PCDHGB4: variants seen among roughly 807,000 people sequenced by gnomAD.
The protein encoded by PCDHGB4 is protocadherin gamma-B4.
PCDHGB4 carries 38 observed loss-of-function variants against 60.5 expected under a neutral mutation model. The ratio of observed to expected loss-of-function variants is 0.63; its 90% confidence interval spans 0.48 to 0.82. The LOEUF (loss-of-function observed/expected upper bound fraction) is 0.82, where lower values mean the gene tolerates loss of function less well. Ranked by LOEUF, PCDHGB4 falls within the 40% of genes least tolerant of loss-of-function variation. The pLI is 0.00. For synonymous variants in PCDHGB4, 456 were observed against 509.7 expected (o/e 0.89, Z 1.42); for missense variants, 1,109 against 1,209.6 (o/e 0.92, Z 1.23).
intron 1 of PCDHGB4, among the ~76,000 whole-genome samples, chr5:141,439,530 C>T (rs1003383726): frequency 6.6e-6 from 1 of 152,180 alleles, no homozygotes; most frequent in Non-Finnish European, 1.5e-5. Flanking sequence ...CTCTACAGAA[C>T]GCTGTCCTCT....
chr5:141,448,784 C>CA (rs576464275), intron 1 of PCDHGB4, among the ~76,000 whole-genome samples: 7,532 of 145,718 alleles, frequency 0.052, 302 homozygotes, highest in African/African-American at 0.11. Flanking sequence ...ACTAAAAATA[C>CA]AAAAAAAAAA....
chr5:141,405,351 C>G, intron 1 of PCDHGB4: 1 of 1,614,080 alleles, frequency 6.2e-7, no homozygotes, highest in Non-Finnish European at 8.5e-7. Flanking sequence ...TCCAAGTTTC[C>G]TATAGAAGAC....
intron 1 of PCDHGB4, among the ~76,000 whole-genome samples, chr5:141,435,652 G>A (rs978809372): frequency 3.9e-5 from 6 of 152,226 alleles, no homozygotes; most frequent in East Asian, 1.9e-4. Flanking sequence ...TTTCTGAAAC[G>A]TGCACAGATT....
rs933089146 is a variant in PCDHGB4, at chr5:141,490,786, A to G, written c.2398-4021A>G. ...GTATGTCAACCCAGAGGATGGACGGATCTTTGCCCAGCGTACCTTTGACTA... is the reference window on the plus strand; with the variant it reads ...GTATGTCAACCCAGAGGATGGACGGGTCTTTGCCCAGCGTACCTTTGACTA... On this transcript the variant is annotated intron_variant, in intron 1 of 3. Coordinates refer to ENST00000519479, the MANE Select transcript of PCDHGB4 (RefSeq NM_003736.4). This position sits in a 1 kb window ranked among gnomAD's most constrained non-coding sequence, Gnocchi z 5.4. The G allele has an allele frequency of 1.9e-6, 3 of 1,614,056 alleles. No individual in the cohort carries two copies. The highest frequency in any genetic ancestry group is 1.7e-5 in the Admixed American group (1 of 60,016).
intron 1 of PCDHGB4, chr5:141,415,040 CG>C (rs878992043): frequency 6.2e-7 from 1 of 1,613,520 alleles, no homozygotes; most frequent in East Asian, 2.2e-5. Flanking sequence ...GGACTCTTCG[CG>C]GTGGGGGAGC....
At position 141,431,636 on chromosome 5, in the gene PCDHGB4, A is replaced by C; in HGVS notation, c.2397+41355A>C. 1 of 1,614,254 alleles carries C rather than the reference A, an allele frequency of 6.2e-7. No individual in the cohort carries two copies. On this transcript the variant is annotated intron_variant, in intron 1 of 3. Transcript: ENST00000519479. This position sits in a 1 kb window ranked among gnomAD's most constrained non-coding sequence, Gnocchi z 4.8. ...GGACGACAAGGCGGCCCAAGTTTTC[A>C]AACTAGATTGTAATTCAGGGACAAT... is the stretch of plus-strand genomic sequence containing the variant.
At chr5:141,474,143 T>C (rs933805562) in intron 1 of PCDHGB4, among the ~76,000 whole-genome samples, 5 of 152,188 alleles carry the variant, frequency 3.3e-5, no homozygotes, top group Non-Finnish European at 5.9e-5. Flanking sequence ...CAGGCCTTAT[T>C]ATCAAGAAAA....
intron 1 of PCDHGB4, among the ~76,000 whole-genome samples, chr5:141,455,959 G>T (rs112864392): frequency 0.11 from 16,680 of 150,504 alleles, 1,459 homozygotes; most frequent in African/African-American, 0.24. Context: ...GTGCAGTGGC[G>T]CGATCTCAGC....
intron 1 of PCDHGB4, chr5:141,394,617 G>T (rs369651266): frequency 8.1e-6 from 13 of 1,613,372 alleles, no homozygotes; most frequent in Non-Finnish European, 1.1e-5. Flanking sequence ...GGGCCAGAAC[G>T]CCTGGCTGTC....
Position 141,417,818 on chromosome 5 carries a change from C to T in PCDHGB4, c.2397+27537C>T, listed in dbSNP as rs59981184. 5.7e-4 allele frequency: 859 copies of T among 1,512,530 alleles called. 1 individual carries two copies. The African/African-American group carries it at 0.011, about 19-fold the overall frequency. 93.7% of individuals were successfully genotyped at this position (1,512,530 alleles called of 1,614,324 possible). On this transcript the variant is annotated intron_variant, in intron 1 of 3. Coordinates refer to ENST00000519479, the MANE Select transcript of PCDHGB4 (RefSeq NM_003736.4). ...TTTAGCGCGGTAGAGTGCACTTTCTCCAACTGGAAAAGCGGGGACCCAGCG... is the reference window on the plus strand; with the variant it reads ...TTTAGCGCGGTAGAGTGCACTTTCTTCAACTGGAAAAGCGGGGACCCAGCG...
intron 1 of PCDHGB4, chr5:141,421,999 TC>T: frequency 9.9e-6 from 16 of 1,609,214 alleles, no homozygotes; most frequent in Non-Finnish European, 1.4e-5. Context: ...AAACATCAGC[TC>T]CGGAACTCGG....
chr5:141,393,043 T>C (rs770560068), intron 1 of PCDHGB4: 1 of 1,613,732 alleles, frequency 6.2e-7, no homozygotes, highest in South Asian at 1.1e-5. Context: ...CTCTTTGCTC[T>C]GAACCCGCGC....
intron 1 of PCDHGB4, chr5:141,414,589 G>T: frequency 1.2e-6 from 2 of 1,613,834 alleles, no homozygotes; most frequent in African/African-American, 2.7e-5. Flanking sequence ...CAACGCCAGG[G>T]GTGCCTCCAT....
At chr5:141,461,408 CAT>C (rs1491314585) in intron 1 of PCDHGB4, among the ~76,000 whole-genome samples, 2 of 151,994 alleles carry the variant, frequency 1.3e-5, no homozygotes, top group South Asian at 2.1e-4. Flanking sequence ...AGCATTTTTT[CAT>C]ATGTTTGTGG....
Position 141,387,999 on chromosome 5 carries a change from G to A in PCDHGB4, c.115G>A (p.Glu39Lys), listed in dbSNP as rs923312530. 2 of 1,487,266 alleles carry A rather than the reference G, an allele frequency of 1.3e-6. No homozygotes were observed. The highest frequency in any genetic ancestry group is 1.8e-6 in the Non-Finnish European group (2 of 1,100,440). 92.1% of individuals were successfully genotyped at this position (1,487,266 alleles called of 1,614,324 possible). The change falls in exon 1 of 4, where the codon GAG becomes AAG. Residue 39 changes from glutamate to lysine, a missense_variant. Coordinates refer to ENST00000519479, the MANE Select transcript of PCDHGB4 (RefSeq NM_003736.4). ...LCEQIRYRIPEEMPKGSVVGN... is the reference protein window; with the variant it reads ...LCEQIRYRIPKEMPKGSVVGN... ...TGAGCAGATCCGCTACAGGATTCCC[G>A]AGGAAATGCCCAAGGGCTCCGTAGT...
At chr5:141,427,222 A>T (rs536161247) in intron 1 of PCDHGB4, 8 of 456,774 alleles carry the variant, frequency 1.8e-5, no homozygotes, top group Non-Finnish European at 3.5e-5. Flanking sequence ...CGTAGCAGTT[A>T]TACCATGAGA....
At chr5:141,407,243 C>G (rs1191688729) in intron 1 of PCDHGB4, among the ~76,000 whole-genome samples, 1 of 152,168 alleles carries the variant, frequency 6.6e-6, no homozygotes, top group African/African-American at 2.4e-5. Context: ...AAGCATACTT[C>G]AGGCTCATAT....
intron 1 of PCDHGB4, among the ~76,000 whole-genome samples, chr5:141,473,773 T>C (rs1473510505): frequency 6.6e-6 from 1 of 152,254 alleles, no homozygotes; most frequent in Non-Finnish European, 1.5e-5. Context: ...GGATTTGGTA[T>C]TTTAATTCAA....
chr5:141,416,063 A>G (rs546746824), intron 1 of PCDHGB4: 201 of 176,914 alleles, frequency 1.1e-3, no homozygotes, highest in Non-Finnish European at 1.8e-3. Flanking sequence ...ATCCAAGAAT[A>G]CTCAATGCAG....
Sources: gnomAD v4.1 joint callset for allele counts (sites outside exome capture counted in the v4.1 genomes callset) on GRCh38, gnomAD v4.1.1 for gene constraint, Gnocchi (gnomAD v3.1) non-coding constraint, MANE v1.5 for transcripts, NCBI Gene and HGNC (gene_info 2026-07-23, HGNC 2026-07-21) for gene names.